The following CRB1 variants were observed in gnomAD, a reference collection of about 807,000 sequenced individuals.
CRB1 encodes the protein crumbs cell polarity complex component 1, also known as protein crumbs homolog 1.
In CRB1, 83 loss-of-function variants were observed where a neutral mutation model predicts 120.0. The observed-to-expected ratio is 0.69, with a 90% CI of 0.58 to 0.83. The LOEUF (loss-of-function observed/expected upper bound fraction) is 0.83. Ranked by LOEUF, CRB1 falls within the 40% of genes least tolerant of loss-of-function variation. CRB1 has a pLI of 0.00. For missense variants in CRB1, 1,699 were observed against 1,687.6 expected, an observed-to-expected ratio of 1.01 and a Z score of -0.12; for synonymous variants, 625 against 612.5, an observed-to-expected ratio of 1.02 and a Z score of -0.30.
chr1:197,330,309 T>C (rs1389354009), intron 2 of CRB1, among the ~76,000 whole-genome samples: 1 of 152,198 alleles, frequency 6.6e-6, no homozygotes, highest in Non-Finnish European at 1.5e-5. Flanking sequence ...CCAGACGTTC[T>C]ACTTATAGCT....
At chr1:197,223,996 T>C in the CRB1 span, among the ~76,000 whole-genome samples, 1 of 152,144 alleles carries the variant, frequency 6.6e-6, no homozygotes, top group African/African-American at 2.4e-5. Flanking sequence ...TAAGGTACTA[T>C]GGTTTGTGGT....
intron 5 of CRB1, among the ~76,000 whole-genome samples, chr1:197,404,707 G>C (rs1663251855): frequency 2.0e-5 from 3 of 152,172 alleles, no homozygotes; most frequent in African/African-American, 7.2e-5. Context: ...ATGCTATAGA[G>C]TGGATATGTG....
intron 5 of CRB1, among the ~76,000 whole-genome samples, chr1:197,378,968 TTAG>T (rs1419906366): frequency 2.6e-5 from 4 of 152,186 alleles, no homozygotes; most frequent in African/African-American, 4.8e-5. Context: ...GCCAGTGTAG[TTAG>T]TGACAGAGGC....
upstream of CRB1, among the ~76,000 whole-genome samples, chr1:197,265,637 T>C (rs763405231): frequency 7.9e-5 from 12 of 152,230 alleles, no homozygotes; most frequent in Non-Finnish European, 1.5e-4. Context: ...CCCTTGTCTA[T>C]ATTCTTCATT....
chr1:197,363,110 G>A (rs1037516099), intron 5 of CRB1, among the ~76,000 whole-genome samples: 9 of 148,970 alleles, frequency 6.0e-5, no homozygotes, highest in African/African-American at 2.2e-4. Flanking sequence ...TTCAAGTGAA[G>A]TATAGGAATT....
At chr1:197,447,108 G>A (rs1291222216) in intron 11 of CRB1, among the ~76,000 whole-genome samples, 1 of 152,204 alleles carries the variant, frequency 6.6e-6, no homozygotes, top group Admixed American at 6.5e-5. Context: ...GCCCAGGCAT[G>A]GCTTAACTAG....
intron 5 of CRB1, among the ~76,000 whole-genome samples, chr1:197,360,909 C>T (rs1289308184): frequency 6.6e-6 from 1 of 152,174 alleles, no homozygotes; most frequent in Non-Finnish European, 1.5e-5. Flanking sequence ...TATCGATGCT[C>T]TTTTTCAAGT....
At chr1:197,344,149 T>C in intron 2 of CRB1, 132 bp from the exon 3 acceptor site, 1 of 919,948 alleles carries the variant, frequency 1.1e-6, no homozygotes, top group African/African-American at 1.6e-5. Flanking sequence ...CAATTACAAT[T>C]AAGGGGGAAA....
At chr1:197,459,733 AT>A (rs1295205817) in intron 11 of CRB1, among the ~76,000 whole-genome samples, 1 of 152,128 alleles carries the variant, frequency 6.6e-6, no homozygotes, top group Non-Finnish European at 1.5e-5. Context: ...TGATGGATTT[AT>A]CAATAAAAAC....
At chr1:197,363,788 C>G in intron 5 of CRB1, 1 of 698,858 alleles carries the variant, frequency 1.4e-6, no homozygotes, top group Admixed American at 1.9e-5. Context: ...CTTTGTGGCT[C>G]TGCAGAATGG....
rs773457531 is a variant in CRB1 at position 197,328,853 on chromosome 1, G to T, written c.502G>T (p.Asp168Tyr). Reference protein sequence around the residue: ...QNGAVCQDGIDGYSCFCVPGY... With the variant: ...QNGAVCQDGIYGYSCFCVPGY... ...TGGGGCCGTGTGCCAGGATGGAATT[G>T]ATGGTTACTCCTGCTTCTGTGTCCC... is the stretch of plus-strand genomic sequence containing the variant. Residue 168 changes from aspartate to tyrosine, a missense_variant, in exon 2 of 12, where the codon GAT becomes TAT. Transcript: ENST00000367400. The T allele has an allele frequency of 1.2e-6, 2 of 1,613,472 alleles. No individual in the cohort carries two copies. Among genetic ancestry groups the T allele is most frequent in the South Asian group, 1.1e-5 (1 of 91,062 alleles).
At chr1:197,248,996 C>T in the CRB1 span, among the ~76,000 whole-genome samples, 1 of 151,938 alleles carries the variant, frequency 6.6e-6, no homozygotes, top group Non-Finnish European at 1.5e-5. Context: ...CCCCCTGTCT[C>T]TCAGCCACCC....
intron 1 of CRB1, among the ~76,000 whole-genome samples, chr1:197,282,823 T>C (rs1655602265): frequency 6.6e-6 from 1 of 151,904 alleles, no homozygotes; most frequent in Non-Finnish European, 1.5e-5. Context: ...GTTGGACCTT[T>C]CTCTTGAAAT....
intron 1 of CRB1, among the ~76,000 whole-genome samples, chr1:197,287,223 A>G (rs1182422954): frequency 6.6e-6 from 1 of 151,896 alleles, no homozygotes; most frequent in Admixed American, 6.6e-5. Context: ...TTGATAAACC[A>G]TGAGTTGAGA....
intron 5 of CRB1, among the ~76,000 whole-genome samples, chr1:197,365,262 G>A (rs1373558672): frequency 6.6e-6 from 1 of 152,120 alleles, no homozygotes; most frequent in Non-Finnish European, 1.5e-5. Context: ...GAGATGAAGA[G>A]GCTCCTTTAG....
At chr1:197,340,765 C>T (rs191494318) in intron 2 of CRB1, among the ~76,000 whole-genome samples, 117 of 151,986 alleles carry the variant, frequency 7.7e-4, no homozygotes, top group South Asian at 3.1e-3. Flanking sequence ...ATGGGGGTGG[C>T]GCAAATCAGC....
chr1:197,262,730 C>G, the CRB1 span, among the ~76,000 whole-genome samples: 49 of 152,024 alleles, frequency 3.2e-4, no homozygotes, highest in African/African-American at 1.2e-3. Flanking sequence ...ATCTTTATGT[C>G]TATGTGTACC....
chr1:197,302,102 T>G (rs959096481), intron 1 of CRB1, among the ~76,000 whole-genome samples: 3 of 151,900 alleles, frequency 2.0e-5, no homozygotes, highest in African/African-American at 7.3e-5. Context: ...AAAGGAAGAG[T>G]CAATAGAAGC....
At chr1:197,248,965 T>G in the CRB1 span, among the ~76,000 whole-genome samples, 3 of 151,980 alleles carry the variant, frequency 2.0e-5, no homozygotes, top group African/African-American at 7.2e-5. Flanking sequence ...AAAATGTATA[T>G]TATAAAACAT....
Sources: gnomAD v4.1 joint callset for allele counts (sites outside exome capture counted in the v4.1 genomes callset) on GRCh38, gnomAD v4.1.1 for gene constraint, MANE v1.5 for transcripts, NCBI Gene and HGNC (gene_info 2026-07-23, HGNC 2026-07-21) for gene names.